The following HERC2 variants were observed in gnomAD, a reference collection of about 807,000 sequenced individuals.
HERC2 encodes E3 ubiquitin-protein ligase HERC2.
HERC2 carries 102 observed loss-of-function variants against 537.7 expected under a neutral mutation model. That is an observed-to-expected ratio of 0.19 (90% CI 0.16 to 0.22). The LOEUF (loss-of-function observed/expected upper bound fraction) is 0.22. Among genes scored for constraint, HERC2 ranks in the 10% least tolerant of loss-of-function variants. HERC2 has a pLI of 1.00. For synonymous variants in HERC2, 2,224 were observed against 2,466.2 expected (o/e 0.90, Z 2.91); for missense variants, 4,236 against 6,198.2 (o/e 0.68, Z 10.63).
At chr15:28,167,552 G>A (rs576676324) in intron 68 of HERC2, 135 bp downstream of exon 68, 7 of 1,028,724 alleles carry the variant, frequency 6.8e-6, no homozygotes, top group Admixed American at 4.8e-5. Context: ...CAAACGCTTC[G>A]AAGATGCTAA....
intron 30 of HERC2, 56 bp from the exon 31 acceptor site, chr15:28,230,556 A>G: frequency 9.3e-7 from 1 of 1,076,964 alleles, no homozygotes; most frequent in Non-Finnish European, 1.4e-6. Context: ...ATTAATTTTA[A>G]ATTAAGAAAT....
Position 28,265,661 on chromosome 15 carries a change from C to T in HERC2, c.1827G>A (p.Ala609=), listed in dbSNP as rs759959860. The T allele has an allele frequency of 1.2e-5, 19 of 1,614,070 alleles. No individual in the cohort carries two copies. Among genetic ancestry groups the T allele is most frequent in the East Asian group, 4.5e-5 (2 of 44,878 alleles). ...GLKGLKVIDV[A]CGSGDAQTLA... ...GGGTTTGAGCATCCCCACTCCCACA[C>T]GCCACATCGATGACCTTCAGTCCTT... Residue 609 remains alanine (A), a synonymous_variant, in exon 14 of 93, where the codon GCG becomes GCA. Transcript: ENST00000261609. The surrounding 1 kb of genome is among the most constrained non-coding windows in gnomAD (Gnocchi z 4.0).
intron 20 of HERC2, among the ~76,000 whole-genome samples, chr15:28,249,466 A>G (rs1323112863): frequency 6.6e-6 from 1 of 152,242 alleles, no homozygotes; most frequent in Non-Finnish European, 1.5e-5. Flanking sequence ...AGGTAAAGTT[A>G]GGAGAGCAGT....
chr15:28,111,775 TA>T lies in HERC2; in HGVS notation c.14492del (p.Leu4831Ter), dbSNP rs1370410102. ...SFASDSTQDY[L>X]TGH is the part of the protein sequence containing the mutation. ...ACGTTTCCCCATCTTAGTGTCCTGT[TA>T]AATAATCTTGTGTAGAGTCCGAAGC... is the stretch of plus-strand genomic sequence containing the variant. On this transcript the variant is annotated frameshift_variant, in exon 93 of 93. Coordinates refer to ENST00000261609, the MANE Select transcript of HERC2 (RefSeq NM_004667.6). LOFTEE classifies it high-confidence loss of function. 6.2e-7 allele frequency: 1 copy of T among 1,613,632 alleles called. No homozygotes were observed. Among genetic ancestry groups the T allele is most frequent in the Non-Finnish European group, 8.5e-7 (1 of 1,179,604 alleles).
At chr15:28,173,076 A>G (rs1189215053) in intron 65 of HERC2, among the ~76,000 whole-genome samples, 1 of 152,242 alleles carries the variant, frequency 6.6e-6, no homozygotes, top group African/African-American at 2.4e-5. Flanking sequence ...CAGTATAACT[A>G]AAATTAAAGA....
chr15:28,192,341 A>G (rs1001439440), intron 52 of HERC2, among the ~76,000 whole-genome samples, 190 bp from the exon 53 acceptor site: 11 of 152,238 alleles, frequency 7.2e-5, no homozygotes, highest in African/African-American at 2.4e-4. Context: ...GATGAAGTCC[A>G]CATAATGCTA....
intron 68 of HERC2, among the ~76,000 whole-genome samples, chr15:28,166,908 T>C (rs1894197223): frequency 6.6e-6 from 1 of 152,158 alleles, no homozygotes; most frequent in Non-Finnish European, 1.5e-5. Flanking sequence ...AAACAGGAAC[T>C]CCTGATTCTA....
chr15:28,128,951 GA>G (rs1007140280), intron 83 of HERC2, among the ~76,000 whole-genome samples: 10 of 152,188 alleles, frequency 6.6e-5, no homozygotes, highest in Non-Finnish European at 1.3e-4. Context: ...CTCAGACTTT[GA>G]AAATCTTTCT....
At chr15:28,235,055 G>A (rs1468696794) in intron 26 of HERC2, among the ~76,000 whole-genome samples, 3 of 152,042 alleles carry the variant, frequency 2.0e-5, no homozygotes, top group African/African-American at 7.2e-5. Flanking sequence ...GCAACTTGAG[G>A]GAGTGCACCA....
intron 57 of HERC2, among the ~76,000 whole-genome samples, chr15:28,181,669 C>T (rs72714142): frequency 6.6e-6 from 1 of 152,170 alleles, no homozygotes; most frequent in African/African-American, 2.4e-5. Context: ...CTAAGTAATA[C>T]AAGGAATGCT....
At position 28,113,087 on chromosome 15, in the gene HERC2, C is replaced by T. The variant is rs1179966468; in HGVS notation, c.14216G>A (p.Arg4739Gln). The change falls in exon 92 of 93, where the codon CGA becomes CAA. Residue 4739 changes from arginine to glutamine, a missense_variant. Arg to Gln is a conservative substitution (Grantham distance 43). Around this residue, in one of 27 missense-constraint regions of HERC2, gnomAD observed 313 missense variants for 462.6 expected, o/e 0.68. Transcript: ENST00000261609. The surrounding 1 kb of genome is among the most constrained non-coding windows in gnomAD (Gnocchi z 7.0). The stretch of plus-strand genomic sequence containing the variant: ...GGAGCCTACCTGGATGACGAAGTCT[C>T]GGCCCCGGAAGTCGGCGATGGTCCT... Reference protein sequence around the residue: ...LPRTIADFRGRDFVIQVLDKY... With the variant: ...LPRTIADFRGQDFVIQVLDKY... The T allele has an allele frequency of 1.2e-6, 2 of 1,613,300 alleles. No homozygotes were observed. The highest frequency in any genetic ancestry group is 1.7e-6 in the Non-Finnish European group (2 of 1,179,864).
In HERC2 at chr15:28,121,427, C is replaced by A; in HGVS notation, c.13191G>T (p.Glu4397Asp). 1 of 1,613,704 alleles carries A rather than the reference C, an allele frequency of 6.2e-7. No individual in the cohort carries two copies. The highest frequency in any genetic ancestry group is 8.5e-7 in the Non-Finnish European group (1 of 1,179,574). The stretch of plus-strand genomic sequence containing the variant: ...CTTGTACTACTTTCCGGAAAGCCGC[C>A]TCCTAAAACACATCAAACAGACAAA... ...LRGILISQGK[E>D]AAFRKVVQAT... Residue 4397 changes from glutamate to aspartate, a missense_variant and splice_region_variant, in exon 86 of 93, where the codon GAG becomes GAT. Glu to Asp is a conservative substitution (Grantham distance 45). This residue lies in a region of HERC2 where 189 missense variants were observed against 255.7 expected (regional missense o/e 0.74). Transcript: ENST00000261609.
At chr15:28,255,221 G>T (rs1244690355) in intron 19 of HERC2, among the ~76,000 whole-genome samples, 1 of 152,134 alleles carries the variant, frequency 6.6e-6, no homozygotes, top group Non-Finnish European at 1.5e-5. Context: ...TGTGGTCCCT[G>T]CAAAACAGGA....
At chr15:28,197,167 G>A (rs1382040830) in intron 50 of HERC2, among the ~76,000 whole-genome samples, 1 of 152,040 alleles carries the variant, frequency 6.6e-6, no homozygotes, top group East Asian at 1.9e-4. Flanking sequence ...CTCACCACTG[G>A]GGAACCACCA....
Position 28,257,207 on chromosome 15 carries a change from C to T in HERC2, c.2371G>A (p.Val791Met). 6.2e-7 allele frequency: 1 copy of T among 1,613,944 alleles called. No individual in the cohort carries two copies. Among genetic ancestry groups the T allele is most frequent in the Non-Finnish European group, 8.5e-7 (1 of 1,179,854 alleles). Residue 791 changes from valine to methionine, a missense_variant, in exon 17 of 93, where the codon GTG (valine) becomes ATG (methionine). By Grantham distance (21) the Val-to-Met change is conservative (BLOSUM62 1). Around this residue, in one of 27 missense-constraint regions of HERC2, gnomAD observed 754 missense variants for 1,085.0 expected, o/e 0.69. Transcript: ENST00000261609. Reference protein sequence around the residue: ...EWSIGLRVPFVVDICSMTFEQ... With the variant: ...EWSIGLRVPFMVDICSMTFEQ... ...AAAGTCATTGAGCAGATGTCCACCA[C>T]AAAAGGGACACGGAGGCCAATGGAC...
chr15:28,305,224 T>C (rs2076752654), intron 2 of HERC2, among the ~76,000 whole-genome samples: 1 of 151,280 alleles, frequency 6.6e-6, no homozygotes, highest in Non-Finnish European at 1.5e-5. Context: ...CATTTGGGTA[T>C]ATACCCAGTA....
At chr15:28,163,469 C>T (rs1047879893) in intron 68 of HERC2, among the ~76,000 whole-genome samples, 184 bp from the exon 69 acceptor site, 2 of 152,084 alleles carry the variant, frequency 1.3e-5, no homozygotes, top group Admixed American at 1.3e-4. Flanking sequence ...AAGCCATGTA[C>T]TATGTTTTCA....
At chr15:28,197,175 C>T (rs1897421785) in intron 50 of HERC2, among the ~76,000 whole-genome samples, 2 of 152,204 alleles carry the variant, frequency 1.3e-5, no homozygotes, top group African/African-American at 2.4e-5. Flanking sequence ...TGGGGAACCA[C>T]CAACTGTGGC....
chr15:28,155,498 G>C (rs1182319028), intron 69 of HERC2, among the ~76,000 whole-genome samples: 10 of 152,070 alleles, frequency 6.6e-5, no homozygotes, highest in African/African-American at 1.9e-4. Flanking sequence ...GTTTTGATTT[G>C]CATTTCTCTG....
Sources: gnomAD v4.1 joint callset for allele counts (sites outside exome capture counted in the v4.1 genomes callset) on GRCh38, gnomAD v4.1.1 for gene constraint, gnomAD v4.1.1 regional missense constraint, Gnocchi (gnomAD v3.1) non-coding constraint, MANE v1.5 for transcripts, NCBI Gene and HGNC (gene_info 2026-07-23, HGNC 2026-07-21) for gene names.